PHEX: variants seen among roughly 807,000 people sequenced by gnomAD.
PHEX encodes the protein phosphate-regulating neutral endopeptidase PHEX.
PHEX carries 16 observed loss-of-function variants against 68.0 expected under a neutral mutation model. That is an observed-to-expected ratio of 0.24 (90% CI 0.16 to 0.36). PHEX has a LOEUF of 0.36. Ranked by LOEUF, PHEX falls within the 10% of genes least tolerant of loss-of-function variation. The pLI, the probability that PHEX is intolerant of heterozygous loss-of-function variation, is 1.00. For synonymous variants in PHEX, 208 were observed against 205.1 expected, an observed-to-expected ratio of 1.01 and a Z score of -0.12; for missense variants, 480 against 575.5, an observed-to-expected ratio of 0.83 and a Z score of 1.70.
chrX:22,212,507 G>T (rs1257473806), intron 15 of PHEX, among the ~76,000 whole-genome samples: 1 of 111,704 alleles, frequency 9.0e-6, no homozygotes, highest in Admixed American at 9.4e-5. Context: ...GGCAGGAGAA[G>T]ATTAAACTAA....
rs113742581 is a variant in PHEX, at chrX:22,050,460, C to A, written c.349+3249C>A. ...GCCACGCATGGTGGAAATCCCAGCT[C>A]CTCAGGAGGCTGAGGCAGGAGAACT... On this transcript the variant is annotated intron_variant, in intron 3 of 21. Transcript: ENST00000379374. Among the ~76,000 whole-genome samples the A allele has an allele frequency of 9.2e-3, 1,007 of 108,902 alleles. 12 individuals are homozygous for A. The highest frequency in any genetic ancestry group is 0.031 in the African/African-American group (932 of 29,824). 94.6% of individuals were successfully genotyped at this position (108,902 alleles called of 115,157 possible). A position where few individuals can be genotyped will look rare whatever the true frequency, so the allele number is the denominator to read the frequency against.
At chrX:22,238,008 G>A (rs923010232) in intron 20 of PHEX, among the ~76,000 whole-genome samples, 1 of 112,640 alleles carries the variant, frequency 8.9e-6, no homozygotes, top group Non-Finnish European at 1.9e-5. Context: ...GTTTTGGGCC[G>A]GGCATGGCCT....
chrX:22,244,270 C>G (rs1273727269), intron 20 of PHEX, among the ~76,000 whole-genome samples: 1 of 110,424 alleles, frequency 9.1e-6, no homozygotes, highest in African/African-American at 3.3e-5. Context: ...ACATCACACA[C>G]CAGGGCCTGT....
intron 14 of PHEX, among the ~76,000 whole-genome samples, chrX:22,185,301 A>T (rs1331337744): frequency 8.9e-6 from 1 of 112,340 alleles, no homozygotes; most frequent in Non-Finnish European, 1.9e-5. Flanking sequence ...CATGCAATAA[A>T]TTCATTTTAA....
At chrX:22,036,905 G>C (rs1927048445) in intron 1 of PHEX, among the ~76,000 whole-genome samples, 2 of 108,546 alleles carry the variant, frequency 1.8e-5, no homozygotes, top group South Asian at 8.1e-4. Flanking sequence ...AGACCATCCT[G>C]GCTAACACGG....
chrX:22,204,609 T>C (rs1326288204), intron 15 of PHEX, among the ~76,000 whole-genome samples: 5 of 111,865 alleles, frequency 4.5e-5, no homozygotes, highest in Non-Finnish European at 3.8e-5. Flanking sequence ...CAGTAAATGT[T>C]AGTAGTCAGT....
chrX:22,168,364 C>T lies in PHEX; in HGVS notation c.1457C>T (p.Thr486Ile). The T allele has an allele frequency of 8.4e-7, 1 of 1,190,389 alleles. No individual in the cohort carries two copies. ...VGYPEFIMND[T>I]HVNEDLKAIK... ...TATCCAGAGTTTATAATGAATGATA[C>T]TCATGTTAATGAAGACCTCAAAGCT... Residue 486 changes from threonine (T) to isoleucine (I), a missense_variant, in exon 13 of 22, where the codon ACT becomes ATT. Coordinates refer to ENST00000379374, the MANE Select transcript of PHEX (RefSeq NM_000444.6).
chrX:22,101,239 C>T (rs964459481), intron 9 of PHEX, among the ~76,000 whole-genome samples: 2 of 112,113 alleles, frequency 1.8e-5, no homozygotes, highest in African/African-American at 6.5e-5. Flanking sequence ...TATCCCTCAA[C>T]CACCAGTTTA....
chrX:22,130,606 CCGG>C (rs766690509), intron 11 of PHEX, among the ~76,000 whole-genome samples: 1 of 109,693 alleles, frequency 9.1e-6, no homozygotes, highest in East Asian at 2.9e-4. Context: ...GATCTAGTCC[CCGG>C]AGATTTCCTT....
chrX:22,032,861 AG>A lies in PHEX; in HGVS notation c.-141del, dbSNP rs1004675895. ...AAGAATTATTTGAGAAAGGGTGGCG[AG>A]GGGAGATTTCCTGACGGCAGTTTCT... On this transcript the variant is annotated 5_prime_UTR_variant, in exon 1 of 22. Transcript: ENST00000379374. 1.7e-5 allele frequency: 9 copies of A among 535,497 alleles called. No individual in the cohort carries two copies. Among genetic ancestry groups the A allele is most frequent in the Admixed American group, 1.0e-4 (4 of 39,791 alleles). 44.1% of individuals were successfully genotyped at this position (535,497 alleles called of 1,213,427 possible).
rs59285690 is a variant in PHEX at position 22,249,457 on chromosome X, T to C, written c.*1504T>C. On this transcript the variant is annotated 3_prime_UTR_variant, in exon 22 of 22. Coordinates refer to ENST00000379374, the MANE Select transcript of PHEX (RefSeq NM_000444.6). ...GTGATTCTTTTAAAAAAAAAAAAAATATATATATATATATATATATATATA... is the reference window on the plus strand; with the variant it reads ...GTGATTCTTTTAAAAAAAAAAAAAACATATATATATATATATATATATATA... 3.6e-5 allele frequency: 1 copy of C among 27,475 alleles called. No homozygotes were observed. Among genetic ancestry groups the C allele is most frequent in the African/African-American group, 1.8e-4 (1 of 5,571 alleles). The allele number at this position is 27,475 out of a possible 1,213,427, so 2.3% of individuals were successfully genotyped here. A position where few individuals can be genotyped will look rare whatever the true frequency, so the allele number is the denominator to read the frequency against.
At chrX:22,038,153 C>T (rs1927108587) in intron 1 of PHEX, among the ~76,000 whole-genome samples, 1 of 110,693 alleles carries the variant, frequency 9.0e-6, no homozygotes, top group Admixed American at 9.6e-5. Context: ...GAGTGGCTTT[C>T]TAACAAGCTT....
At chrX:22,226,409 T>TC in intron 18 of PHEX, 34 bp from the exon 19 acceptor site, 1 of 992,050 alleles carries the variant, frequency 1.0e-6, no homozygotes, top group Non-Finnish European at 1.4e-6. Flanking sequence ...AAACACGCAT[T>TC]CATTTTTTTT....
chrX:22,080,658 A>G (rs1296693554), intron 5 of PHEX, among the ~76,000 whole-genome samples: 5 of 111,336 alleles, frequency 4.5e-5, no homozygotes, highest in African/African-American at 1.6e-4. Context: ...TTGGATGAAC[A>G]TTTGAAGCCC....
At chrX:22,133,472 C>T (rs1476463353) in intron 11 of PHEX, 51 bp from the exon 12 acceptor site, 38 of 1,018,227 alleles carry the variant, frequency 3.7e-5, no homozygotes, top group Admixed American at 6.6e-5. Context: ...CAGAAAACCT[C>T]GACTGAAGCT....
At chrX:22,178,481 G>T (rs1050388613) in intron 14 of PHEX, 105 bp downstream of exon 14, 1 of 460,367 alleles carries the variant, frequency 2.2e-6, no homozygotes, top group African/African-American at 2.5e-5. Context: ...TAGCTGGCTT[G>T]CCAGTTAACT....
At chrX:22,174,693 G>T (rs960426084) in intron 13 of PHEX, among the ~76,000 whole-genome samples, 3 of 111,610 alleles carry the variant, frequency 2.7e-5, no homozygotes, top group African/African-American at 9.8e-5. Context: ...TTCTGTTACA[G>T]TTTATTAATT....
chrX:22,149,488 G>A (rs6633523), intron 12 of PHEX, among the ~76,000 whole-genome samples: 48,119 of 111,868 alleles, frequency 0.43, 8,773 homozygotes, highest in Non-Finnish European at 0.58. Context: ...GCTCATGCCT[G>A]TAATCCTGTA....
intron 15 of PHEX, among the ~76,000 whole-genome samples, chrX:22,205,181 C>T: frequency 8.9e-6 from 1 of 112,264 alleles, no homozygotes; most frequent in African/African-American, 3.2e-5. Flanking sequence ...CAATAAACAG[C>T]TGAATGTGTA....
Sources: allele counts gnomAD v4.1 joint callset (sites outside exome capture counted in the v4.1 genomes callset), GRCh38; gene constraint gnomAD v4.1.1; transcripts MANE v1.5; gene names NCBI Gene and HGNC (gene_info 2026-07-23, HGNC 2026-07-21).